Variants in MAN1B1 observed in about 807,000 individuals in gnomAD.
MAN1B1 encodes endoplasmic reticulum mannosyl-oligosaccharide 1,2-alpha-mannosidase.
Under a neutral mutation model 75.5 loss-of-function variants are expected in MAN1B1, and 66 were observed. The observed-to-expected ratio is 0.87, with a 90% CI of 0.72 to 1.07. The LOEUF is 1.07. MAN1B1 is among the 50% of genes least tolerant of loss of function. The pLI, the probability that MAN1B1 is intolerant of heterozygous loss-of-function variation, is 0.00. For missense variants in MAN1B1, 973 were observed against 912.5 expected (o/e 1.07, Z -0.85); for synonymous variants, 453 against 382.8 (o/e 1.18, Z -2.14).
rs995964458 is a variant in MAN1B1 at position 137,101,661 on chromosome 9, A to G, written c.1243A>G (p.Lys415Glu). Residue 415 changes from lysine to glutamate, a missense_variant, in exon 8 of 13, where the codon AAG becomes GAG. By Grantham distance (56) the Lys-to-Glu change is moderately conservative. Transcript: ENST00000371589. The stretch of plus-strand genomic sequence containing the variant: ...GGAGCTCTCCCGTCTCACAGGGGAT[A>G]AGAAGTTTCAGGTAAGGGGGCAGGC... ...FRELSRLTGDKKFQEAVEKVT... is the reference protein window; with the variant it reads ...FRELSRLTGDEKFQEAVEKVT... 6.2e-7 allele frequency: 1 copy of G among 1,612,316 alleles called. No individual in the cohort carries two copies. Among genetic ancestry groups the G allele is most frequent in the Non-Finnish European group, 8.5e-7 (1 of 1,179,100 alleles).
At position 137,108,939 on chromosome 9, in the gene MAN1B1, C is replaced by T; in HGVS notation, c.*348C>T. ...TACTGGGGTGACCGAGTGGACAGCC[C>T]AGGGTGCAGCTCTGCCCGGGCTCGT... On this transcript the variant is annotated 3_prime_UTR_variant, in exon 13 of 13. Coordinates refer to ENST00000371589, the MANE Select transcript of MAN1B1 (RefSeq NM_016219.5). 1 of 490,366 alleles carries T rather than the reference C, an allele frequency of 2.0e-6. No individual in the cohort carries two copies. 30.4% of individuals were successfully genotyped at this position (490,366 alleles called of 1,614,324 possible).
chr9:137,091,524 T>TA (rs1830514599), intron 3 of MAN1B1, among the ~76,000 whole-genome samples: 2 of 140,878 alleles, frequency 1.4e-5, no homozygotes, highest in African/African-American at 5.2e-5. Flanking sequence ...GTTTTATATT[T>TA]TTTTTTTTTT....
At chr9:137,108,136 T>C (rs1400637331) in intron 12 of MAN1B1, 7 of 610,850 alleles carry the variant, frequency 1.1e-5, no homozygotes, top group East Asian at 2.7e-5. Context: ...GTGCGGCAAC[T>C]GTGAGGCCCC....
chr9:137,093,215 G>A (rs946949059), intron 3 of MAN1B1, among the ~76,000 whole-genome samples: 9 of 152,168 alleles, frequency 5.9e-5, no homozygotes, highest in African/African-American at 2.2e-4. Context: ...CCAACATGGT[G>A]AAACCCCATC....
chr9:137,089,699 CAG>C (rs1830469683), intron 3 of MAN1B1, among the ~76,000 whole-genome samples: 1 of 152,114 alleles, frequency 6.6e-6, no homozygotes, highest in Non-Finnish European at 1.5e-5. Context: ...GGTGGAGACA[CAG>C]TGGAGGGCAG....
intron 6 of MAN1B1, 97 bp downstream of exon 6, chr9:137,099,978 G>T: frequency 7.2e-7 from 1 of 1,396,938 alleles, no homozygotes. Context: ...GCTGCTGTTT[G>T]CATCTGACCA....
At position 137,096,349 on chromosome 9, in the gene MAN1B1, T is replaced by C. The variant is rs776337204; in HGVS notation, c.578T>C (p.Val193Ala). 6.2e-7 allele frequency: 1 copy of C among 1,613,950 alleles called. No individual in the cohort carries two copies. The highest frequency in any genetic ancestry group is 2.2e-5 in the East Asian group (1 of 44,878). Residue 193 changes from valine (V) to alanine (A), a missense_variant, in exon 4 of 13, where the codon GTG becomes GCG. Physicochemically the swap from Val to Ala is moderately conservative, Grantham distance 64 (BLOSUM62 0). Transcript: ENST00000371589. ...EEATKRQEAP[V>A]DPRPEGDPQR... ...GCCACAAAAAGGCAAGAAGCCCCTG[T>C]GGATCCCCGCCCGGAAGGAGATCCG...
At chr9:137,105,636 G>A (rs1207328336) in intron 8 of MAN1B1, 5 of 330,308 alleles carry the variant, frequency 1.5e-5, no homozygotes, top group African/African-American at 1.1e-4. Flanking sequence ...CTGGGCGTAA[G>A]CCCTGAGGAG....
At position 137,109,165 on chromosome 9, in the gene MAN1B1, A is replaced by G. The variant is rs1831234500; in HGVS notation, c.*574A>G. On this transcript the variant is annotated 3_prime_UTR_variant, in exon 13 of 13. Transcript: ENST00000371589. ...TGGAATGGGTCTTTTCGGTGGAGAT[A>G]AAAGTTGATTTGCTCTAACCGCGAT... 2.2e-6 allele frequency: 1 copy of G among 454,530 alleles called. No individual in the cohort carries two copies. Among genetic ancestry groups the G allele is most frequent in the Admixed American group, 2.3e-5 (1 of 42,582 alleles). 28.2% of individuals were successfully genotyped at this position (454,530 alleles called of 1,614,324 possible). A position where few individuals can be genotyped will look rare whatever the true frequency, so the allele number is the denominator to read the frequency against.
At position 137,107,642 on chromosome 9, in the gene MAN1B1, A is replaced by C; in HGVS notation, c.1876A>C (p.Ser626Arg). The C allele has an allele frequency of 3.1e-6, 5 of 1,609,896 alleles. No homozygotes were observed. The highest frequency in any genetic ancestry group is 4.2e-6 in the Non-Finnish European group (5 of 1,179,950). Reference protein sequence around the residue: ...YQDWGWEILQSFSRFTRVPSG... With the variant: ...YQDWGWEILQRFSRFTRVPSG... ...GGACTGGGGCTGGGAGATTCTGCAGAGCTTCAGCCGATTCACACGGGTGAG... is the reference window on the plus strand; with the variant it reads ...GGACTGGGGCTGGGAGATTCTGCAGCGCTTCAGCCGATTCACACGGGTGAG... The change falls in exon 12 of 13, where the codon AGC becomes CGC. Residue 626 changes from serine to arginine, a missense_variant. By Grantham distance (110) the Ser-to-Arg change is moderately radical. Coordinates refer to ENST00000371589, the MANE Select transcript of MAN1B1 (RefSeq NM_016219.5).
rs749762302 is a variant in MAN1B1, at chr9:137,108,582, C to G, written c.2091C>G (p.Thr697=). The change falls in exon 13 of 13, where the codon ACC becomes ACG. Residue 697 remains threonine (T), a synonymous_variant. Coordinates refer to ENST00000371589, the MANE Select transcript of MAN1B1 (RefSeq NM_016219.5). ...NTEAHPLPIW[T]PA is the part of the protein sequence containing the mutation. Reference sequence around the variant, plus strand: ...AAGCCCACCCTCTGCCTATCTGGACCCCTGCCTAGGGTGGATGGCTGCTGG... The same window carrying G: ...AAGCCCACCCTCTGCCTATCTGGACGCCTGCCTAGGGTGGATGGCTGCTGG... 2.3e-5 allele frequency: 37 copies of G among 1,613,610 alleles called. No homozygotes were observed. The African/African-American group carries it at 3.7e-4, about 16-fold the overall frequency.
chr9:137,096,099 G>GA, intron 3 of MAN1B1, 138 bp from the exon 4 acceptor site: 1 of 927,078 alleles, frequency 1.1e-6, no homozygotes, highest in Non-Finnish European at 1.7e-6. Flanking sequence ...CTGTCGTATT[G>GA]AAAAACGAAA....
chr9:137,092,199 CAA>C (rs113185527), intron 3 of MAN1B1, among the ~76,000 whole-genome samples: 2 of 141,658 alleles, frequency 1.4e-5, no homozygotes, highest in Admixed American at 7.1e-5. Flanking sequence ...CCATCTCTAC[CAA>C]AAAAAAAAAA....
rs1362078008 is a variant in MAN1B1 at position 137,106,283 on chromosome 9, G to A, written c.1413G>A (p.Lys471=). The part of the protein sequence containing the change: ...RADSYYEYLL[K]QWIQGGKQET... ...ACAGCTACTATGAGTACCTGCTGAA[G>A]CAGTGGATCCAGGGCGGGAAGCAGG... The change falls in exon 9 of 13, where the codon AAG becomes AAA. Residue 471 remains lysine (K), a synonymous_variant. Transcript: ENST00000371589. 5.8e-6 allele frequency: 9 copies of A among 1,561,430 alleles called. No individual in the cohort carries two copies. Among genetic ancestry groups the A allele is most frequent in the South Asian group, 1.2e-5 (1 of 85,162 alleles).
At chr9:137,096,755 G>C (rs184612051) in intron 4 of MAN1B1, among the ~76,000 whole-genome samples, 1 of 152,228 alleles carries the variant, frequency 6.6e-6, no homozygotes, top group Non-Finnish European at 1.5e-5. Context: ...GGGAGAGGGA[G>C]TTGCCCGGTG....
chr9:137,088,051 T>C (rs775179101), intron 1 of MAN1B1, 24 bp from the exon 2 acceptor site: 2 of 1,558,264 alleles, frequency 1.3e-6, no homozygotes, highest in Non-Finnish European at 1.8e-6. Context: ...CAGTAAGAAA[T>C]GTCATTCTCT....
Position 137,107,364 on chromosome 9 carries a change from C to A in MAN1B1, c.1681C>A (p.Arg561=), listed in dbSNP as rs772165357. 6.2e-7 allele frequency: 1 copy of A among 1,613,406 alleles called. No individual in the cohort carries two copies. The highest frequency in any genetic ancestry group is 1.1e-5 in the South Asian group (1 of 91,088). ...CATGGAGACTTGTTACCAGATGAAC[C>A]GGCAGATGGAGACGGGGCTGAGTCC... ...ELMETCYQMN[R]QMETGLSPEI... Residue 561 remains arginine (R), a synonymous_variant, in exon 11 of 13, where the codon CGG becomes AGG. Transcript: ENST00000371589.
chr9:137,107,467 A>G lies in MAN1B1; in HGVS notation c.1764+20A>G, dbSNP rs769962691. 1 of 1,613,302 alleles carries G rather than the reference A, an allele frequency of 6.2e-7. No individual in the cohort carries two copies. Among genetic ancestry groups the G allele is most frequent in the South Asian group, 1.1e-5 (1 of 91,084 alleles). On this transcript the variant is annotated intron_variant, in intron 11 of 12. Transcript: ENST00000371589. ...GTCAAGGTGGGCCTGGGCCTGGGTC[A>G]GGGTCCATCAGGAGGAGGGTGCTGG...
intron 12 of MAN1B1, chr9:137,108,094 G>A (rs1397875940): frequency 1.2e-5 from 7 of 605,272 alleles, no homozygotes; most frequent in Non-Finnish European, 1.8e-5. Flanking sequence ...CGCTGCCTCC[G>A]CTCCCACCGT....
Sources: allele counts gnomAD v4.1 joint callset (sites outside exome capture counted in the v4.1 genomes callset), GRCh38; gene constraint gnomAD v4.1.1; transcripts MANE v1.5; gene names NCBI Gene and HGNC (gene_info 2026-07-23, HGNC 2026-07-21).